MYH13: variants seen among roughly 807,000 people sequenced by gnomAD.
MYH13 encodes the protein myosin-13.
In MYH13, 177 loss-of-function variants were observed where a neutral mutation model predicts 232.1. That is an observed-to-expected ratio of 0.76 (90% CI 0.67 to 0.86). MYH13 has a LOEUF of 0.86. Among genes scored for constraint, MYH13 ranks in the 40% least tolerant of loss-of-function variants. The pLI, the probability that MYH13 is intolerant of heterozygous loss-of-function variation, is 0.00. For synonymous variants in MYH13, 884 were observed against 923.5 expected (o/e 0.96, Z 0.78); for missense variants, 2,246 against 2,405.9 (o/e 0.93, Z 1.39).
intron 23 of MYH13, among the ~76,000 whole-genome samples, chr17:10,322,339 A>G (rs573949898): frequency 4.6e-5 from 7 of 152,196 alleles, no homozygotes; most frequent in Non-Finnish European, 7.3e-5. Flanking sequence ...CAGAGGTTGC[A>G]GTGAGCTGAG....
chr17:10,366,015 A>G (rs2071834047), intron 2 of MYH13, among the ~76,000 whole-genome samples: 3 of 151,762 alleles, frequency 2.0e-5, no homozygotes. Flanking sequence ...TATGTAATGT[A>G]TTGTCCCTGC....
chr17:10,343,920 T>C lies in MYH13; in HGVS notation c.1774A>G (p.Ile592Val), dbSNP rs1416740942. The C allele has an allele frequency of 1.2e-6, 2 of 1,614,110 alleles. No individual in the cohort carries two copies. The highest frequency in any genetic ancestry group is 1.7e-6 in the Non-Finnish European group (2 of 1,180,042). Residue 592 changes from isoleucine (I) to valine (V), a missense_variant, in exon 16 of 41, where the codon ATC becomes GTC. Physicochemically the swap from Ile to Val is conservative, Grantham distance 29. Coordinates refer to ENST00000252172, the MANE Select transcript of MYH13 (RefSeq NM_003802.3). The stretch of plus-strand genomic sequence containing the variant: ...TTGTTTTTGTCCAGCCAGCCGGCGA[T>C]GTTGTAGTCCACGGTGCCGGCATAG... ...VHYAGTVDYNIAGWLDKNKDP... is the reference protein window; with the variant it reads ...VHYAGTVDYNVAGWLDKNKDP...
At chr17:10,354,540 G>A (rs1021013878) in intron 11 of MYH13, 140 bp downstream of exon 11, 7 of 761,190 alleles carry the variant, frequency 9.2e-6, no homozygotes, top group African/African-American at 1.8e-5. Context: ...CTAATTCTCT[G>A]AGCTCTTGAT....
At chr17:10,361,074 C>G (rs2071788576) in intron 5 of MYH13, among the ~76,000 whole-genome samples, 1 of 152,142 alleles carries the variant, frequency 6.6e-6, no homozygotes, top group Non-Finnish European at 1.5e-5. Context: ...TGTAAGCCCC[C>G]CAGTCTGTGA....
chr17:10,364,489 A>G lies in MYH13; in HGVS notation c.42T>C (p.Ala14=). The change falls in exon 3 of 41, where the codon GCT becomes GCC. Residue 14 remains alanine, a synonymous_variant. Coordinates refer to ENST00000252172, the MANE Select transcript of MYH13 (RefSeq NM_003802.3). The part of the protein sequence containing the change: ...DAEMAIFGEA[A]PYLRKPEKER... Reference sequence around the variant, plus strand: ...CCTTCTCTGGTTTCCGGAGGTAGGGAGCTGCTTCTCCAAAAATGGCCATTT... The same window carrying G: ...CCTTCTCTGGTTTCCGGAGGTAGGGGGCTGCTTCTCCAAAAATGGCCATTT... 2 of 1,609,082 alleles carry G rather than the reference A, an allele frequency of 1.2e-6. No individual in the cohort carries two copies. Among genetic ancestry groups the G allele is most frequent in the Admixed American group, 3.4e-5 (2 of 59,410 alleles).
At chr17:10,332,660 C>T (rs566767875) in intron 19 of MYH13, among the ~76,000 whole-genome samples, 3 of 152,260 alleles carry the variant, frequency 2.0e-5, no homozygotes, top group African/African-American at 4.8e-5. Flanking sequence ...CGGGCCTCAG[C>T]TGGGTGTGAT....
chr17:10,308,733 T>C (rs934664553), intron 35 of MYH13, among the ~76,000 whole-genome samples: 1 of 152,182 alleles, frequency 6.6e-6, no homozygotes, highest in African/African-American at 2.4e-5. Flanking sequence ...TTTGTTTGTT[T>C]ATTTTTTTGG....
At position 10,362,100 on chromosome 17, in the gene MYH13, A is replaced by T; in HGVS notation, c.505+18T>A. On this transcript the variant is annotated intron_variant, in intron 5 of 40. Transcript: ENST00000252172. ...CTAAGGATGGCTTCAAAAAATATGA[A>T]TCAAAGAAATTACTCACCAGTCAGC... is the stretch of plus-strand genomic sequence containing the variant. 6.2e-7 allele frequency: 1 copy of T among 1,613,688 alleles called. No individual in the cohort carries two copies.
chr17:10,351,476 C>T lies in MYH13; in HGVS notation c.1006-782G>A, dbSNP rs1048123008. 3.3e-5 allele frequency among the ~76,000 whole-genome samples: 5 copies of T among 152,278 alleles called. No individual in the cohort carries two copies. The South Asian group carries it at 1.0e-3, about 32-fold the overall frequency. The stretch of plus-strand genomic sequence containing the variant: ...TGGAAGGGAAGATCATCAAAGATGG[C>T]ATCATCATTTCCCAAATGAGAAAGG... On this transcript the variant is annotated intron_variant, in intron 11 of 40. Coordinates refer to ENST00000252172, the MANE Select transcript of MYH13 (RefSeq NM_003802.3).
At chr17:10,311,836 G>A (rs778296690) in intron 32 of MYH13, 75 bp downstream of exon 32, 3 of 1,545,288 alleles carry the variant, frequency 1.9e-6, no homozygotes, top group Non-Finnish European at 2.7e-6. Flanking sequence ...TCTGGAGATG[G>A]CTGTGGCCAA....
Position 10,354,701 on chromosome 17 carries a change from A to C in MYH13, c.984T>G (p.Ser328Arg). 2 of 1,613,774 alleles carry C rather than the reference A, an allele frequency of 1.2e-6. No individual in the cohort carries two copies. Among genetic ancestry groups the C allele is most frequent in the Non-Finnish European group, 1.7e-6 (2 of 1,179,734 alleles). ...GEVTVASIDD[S>R]EELLATDNAI... Reference sequence around the variant, plus strand: ...TTACATCTGTCGCCAGCAGTTCTTCACTGTCATCGATACTGGCTACCGTGA... The same window carrying C: ...TTACATCTGTCGCCAGCAGTTCTTCCCTGTCATCGATACTGGCTACCGTGA... Residue 328 changes from serine (S) to arginine (R), a missense_variant, in exon 11 of 41, where the codon AGT (serine) becomes AGG (arginine). Physicochemically the swap from Ser to Arg is moderately radical, Grantham distance 110. Transcript: ENST00000252172.
At chr17:10,340,525 G>T in intron 16 of MYH13, 124 bp from the exon 17 acceptor site, 1 of 721,852 alleles carries the variant, frequency 1.4e-6, no homozygotes. Context: ...TTGAGGTTTT[G>T]TTTGTTTGTT....
In MYH13 at chr17:10,313,161, G is replaced by A. The variant is rs1177704379; in HGVS notation, c.4178C>T (p.Ala1393Val). ...AIQRTEELEEAKKKLAQRLQE... is the reference protein window; with the variant it reads ...AIQRTEELEEVKKKLAQRLQE... ...ATTGCCACCCTGGAGCCCCTACTTG[G>A]CCTCCTCCAGCTCCTCTGTGCGCTG... Residue 1393 changes from alanine (A) to valine (V), a missense_variant, in exon 30 of 41, where the codon GCC becomes GTC. Transcript: ENST00000252172. 2 of 1,613,966 alleles carry A rather than the reference G, an allele frequency of 1.2e-6. No individual in the cohort carries two copies. Among genetic ancestry groups the A allele is most frequent in the African/African-American group, 1.3e-5 (1 of 74,910 alleles).
chr17:10,348,059 G>A (rs2071680775), intron 12 of MYH13, among the ~76,000 whole-genome samples: 1 of 152,114 alleles, frequency 6.6e-6, no homozygotes, highest in Admixed American at 6.6e-5. Context: ...GCTGGGTGGG[G>A]AGATGAGTTA....
intron 2 of MYH13, among the ~76,000 whole-genome samples, chr17:10,370,555 A>G (rs886638385): frequency 2.6e-5 from 4 of 152,056 alleles, no homozygotes; most frequent in African/African-American, 9.7e-5. Context: ...CCTAATCTCC[A>G]TCACCCACTT....
chr17:10,323,787 A>AGAAGAAGAAGAAGAAG (rs1305383879), intron 23 of MYH13, among the ~76,000 whole-genome samples: 20 of 66,736 alleles, frequency 3.0e-4, no homozygotes, highest in African/African-American at 1.1e-3. Flanking sequence ...AAAAAAAAAA[A>AGAAGAAGAAGAAGAAG]AAGAAGAAGA....
chr17:10,343,665 G>A, intron 16 of MYH13, 135 bp downstream of exon 16: 1 of 1,072,942 alleles, frequency 9.3e-7, no homozygotes, highest in Non-Finnish European at 1.3e-6. Flanking sequence ...GCAGGAGGAA[G>A]AAAAATGGAG....
At chr17:10,348,999 CTCCCT>C (rs753019012) in intron 12 of MYH13, among the ~76,000 whole-genome samples, 64 of 151,654 alleles carry the variant, frequency 4.2e-4, no homozygotes, top group South Asian at 1.7e-3. Context: ...TTCCTTCCTT[CTCCCT>C]TCCCTTCCCT....
chr17:10,333,369 C>T (rs1907479187), intron 18 of MYH13, among the ~76,000 whole-genome samples, 178 bp from the exon 19 acceptor site: 2 of 152,178 alleles, frequency 1.3e-5, no homozygotes, highest in African/African-American at 4.8e-5. Context: ...CTGCAGGTCC[C>T]GCAGTGAAAT....
Sources: allele counts gnomAD v4.1 joint callset (sites outside exome capture counted in the v4.1 genomes callset), GRCh38; gene constraint gnomAD v4.1.1; transcripts MANE v1.5; gene names NCBI Gene and HGNC (gene_info 2026-07-23, HGNC 2026-07-21).